Variants in FANCC observed in about 807,000 individuals in gnomAD.
FANCC encodes the protein FA complementation group C, also known as Fanconi anemia group C protein.
In FANCC, 55 loss-of-function variants were observed where a neutral mutation model predicts 71.3. The observed-to-expected ratio is 0.77, with a 90% confidence interval of 0.62 to 0.97. FANCC has a LOEUF of 0.97. FANCC is among the 50% of genes least tolerant of loss of function. The pLI is 0.00. For synonymous variants in FANCC, 275 were observed against 244.9 expected (o/e 1.12, Z -1.15); for missense variants, 678 against 670.9 (o/e 1.01, Z -0.12).
chr9:95,248,621 A>G (rs1831141897), intron 2 of FANCC, among the ~76,000 whole-genome samples: 1 of 152,106 alleles, frequency 6.6e-6, no homozygotes, highest in South Asian at 2.1e-4. Flanking sequence ...ATCTATCATA[A>G]TAAAAGAAAC....
intron 1 of FANCC, among the ~76,000 whole-genome samples, chr9:95,265,889 C>T (rs1832354676): frequency 6.6e-6 from 1 of 152,094 alleles, no homozygotes; most frequent in Non-Finnish European, 1.5e-5. Context: ...GAAATTGGGA[C>T]CCATACACAG....
At chr9:95,237,809 A>G (rs1830410186) in intron 4 of FANCC, among the ~76,000 whole-genome samples, 1 of 152,240 alleles carries the variant, frequency 6.6e-6, no homozygotes, top group Non-Finnish European at 1.5e-5. Context: ...TAACATACAC[A>G]GTGGATTTCA....
intron 6 of FANCC, among the ~76,000 whole-genome samples, chr9:95,157,469 C>T (rs746410982): frequency 2.0e-5 from 3 of 152,182 alleles, no homozygotes; most frequent in Admixed American, 1.3e-4. Context: ...TTCTGAGCAT[C>T]GTCAGCTTAT....
intron 1 of FANCC, among the ~76,000 whole-genome samples, chr9:95,264,842 G>T (rs1334161156): frequency 6.6e-6 from 1 of 152,114 alleles, no homozygotes; most frequent in Non-Finnish European, 1.5e-5. Flanking sequence ...AGAAATTTAT[G>T]TTCAATTCCA....
At chr9:95,178,817 G>A (rs941706209) in intron 4 of FANCC, among the ~76,000 whole-genome samples, 5 of 152,174 alleles carry the variant, frequency 3.3e-5, no homozygotes, top group African/African-American at 1.2e-4. Context: ...TTGTAAGGGC[G>A]TTAAAATATA....
Position 95,099,695 on chromosome 9 carries a change from C to T in FANCC, c.*2012G>A, listed in dbSNP as rs1038588077. On this transcript the variant is annotated 3_prime_UTR_variant, in exon 15 of 15. Transcript: ENST00000289081. ...CACGTCCCCAGAGGGACAGTCCTCCCACCCAGGAACCCCTGGCTGCCCAGA... is the reference window on the plus strand; with the variant it reads ...CACGTCCCCAGAGGGACAGTCCTCCTACCCAGGAACCCCTGGCTGCCCAGA... 1.6e-4 allele frequency: 36 copies of T among 232,190 alleles called. No homozygotes were observed. The highest frequency in any genetic ancestry group is 8.0e-4 in the African/African-American group (36 of 45,258). The allele number at this position is 232,190 out of a possible 1,614,324, so 14.4% of individuals were successfully genotyped here.
chr9:95,308,325 TTTTG>T (rs759638617), intron 1 of FANCC, among the ~76,000 whole-genome samples: 62 of 152,092 alleles, frequency 4.1e-4, no homozygotes, highest in Non-Finnish European at 7.6e-4. Flanking sequence ...GATCACCGCT[TTTTG>T]TTTGTTTGTT....
chr9:95,234,871 G>A (rs1172320576), intron 4 of FANCC, among the ~76,000 whole-genome samples: 1 of 152,194 alleles, frequency 6.6e-6, no homozygotes, highest in African/African-American at 2.4e-5. Flanking sequence ...AAAGGACAAT[G>A]TCTCAGTTTA....
intron 4 of FANCC, among the ~76,000 whole-genome samples, chr9:95,189,696 G>A (rs1454577898): frequency 7.2e-5 from 11 of 152,214 alleles, no homozygotes; most frequent in Admixed American, 7.2e-4. Context: ...ACTAGGAGCA[G>A]ATCATGCATT....
chr9:95,160,813 G>A (rs1011825464), intron 6 of FANCC, among the ~76,000 whole-genome samples: 1 of 152,136 alleles, frequency 6.6e-6, no homozygotes, highest in African/African-American at 2.4e-5. Context: ...GTTCACTCAT[G>A]ATTTGGCTCT....
At chr9:95,156,781 A>C (rs1200750937) in intron 6 of FANCC, among the ~76,000 whole-genome samples, 1 of 152,198 alleles carries the variant, frequency 6.6e-6, no homozygotes, top group Non-Finnish European at 1.5e-5. Flanking sequence ...CTCTGACACC[A>C]TGATAACCTT....
intron 1 of FANCC, among the ~76,000 whole-genome samples, chr9:95,268,365 G>A (rs1041514913): frequency 9.2e-5 from 14 of 152,206 alleles, no homozygotes; most frequent in African/African-American, 3.4e-4. Context: ...TATAGCAAAA[G>A]GAGTAAAGCA....
intron 6 of FANCC, among the ~76,000 whole-genome samples, chr9:95,164,109 A>G (rs773257610): frequency 6.6e-6 from 1 of 152,052 alleles, no homozygotes; most frequent in South Asian, 2.1e-4. Flanking sequence ...TTGTGTGTTG[A>G]TTTTGTATAC....
At chr9:95,299,612 G>A (rs1834597848) in intron 1 of FANCC, among the ~76,000 whole-genome samples, 1 of 152,148 alleles carries the variant, frequency 6.6e-6, no homozygotes, top group South Asian at 2.1e-4. Flanking sequence ...TGTAATTCCA[G>A]CACTTTGGGA....
chr9:95,304,824 GTTGTGTCCTTTATGCTGA>G (rs1005988916), intron 1 of FANCC, among the ~76,000 whole-genome samples: 1 of 148,804 alleles, frequency 6.7e-6, no homozygotes, highest in African/African-American at 2.5e-5. Flanking sequence ...GATGCAGTCT[GTTGTGTCCTTTATGCTGA>G]TGGAAATAGC....
chr9:95,254,065 G>A (rs1280369579), intron 1 of FANCC, among the ~76,000 whole-genome samples: 5 of 152,162 alleles, frequency 3.3e-5, no homozygotes, highest in Non-Finnish European at 7.4e-5. Flanking sequence ...TCTGTGGCCC[G>A]GGGCTTGGGG....
chr9:95,311,335 A>G (rs1808351410), intron 1 of FANCC, among the ~76,000 whole-genome samples: 1 of 152,178 alleles, frequency 6.6e-6, no homozygotes, highest in African/African-American at 2.4e-5. Context: ...TAGGCTAAGT[A>G]CAATGCCTTA....
intron 8 of FANCC, among the ~76,000 whole-genome samples, chr9:95,128,500 G>A (rs1350341307): frequency 6.6e-6 from 1 of 152,162 alleles, no homozygotes; most frequent in Non-Finnish European, 1.5e-5. Flanking sequence ...TGCTAGTAGA[G>A]AATCATTCAA....
chr9:95,292,693 T>G, intron 1 of FANCC: 2 of 1,328,410 alleles, frequency 1.5e-6, no homozygotes, highest in Non-Finnish European at 1.1e-6. Context: ...AATCCAATAA[T>G]AAGAAAAGAT....
Sources: gnomAD v4.1 joint callset for allele counts (sites outside exome capture counted in the v4.1 genomes callset) on GRCh38, gnomAD v4.1.1 for gene constraint, MANE v1.5 for transcripts, NCBI Gene and HGNC (gene_info 2026-07-23, HGNC 2026-07-21) for gene names.